Variants in DMD observed in about 807,000 individuals in gnomAD.
The protein encoded by DMD is mutant dystrophin.
A neutral mutation model predicts 330.1 loss-of-function variants in DMD; 63 were observed. The observed-to-expected ratio is 0.19, with a 90% CI of 0.16 to 0.24. The LOEUF (loss-of-function observed/expected upper bound fraction) is 0.24. Among genes scored for constraint, DMD ranks in the 10% least tolerant of loss-of-function variants. DMD has a pLI of 1.00. For missense variants in DMD, 3,344 were observed against 2,684.1 expected, an observed-to-expected ratio of 1.25 and a Z score of -5.43; for synonymous variants, 1,223 against 959.8, an observed-to-expected ratio of 1.27 and a Z score of -5.07.
intron 44 of DMD, among the ~76,000 whole-genome samples, chrX:32,071,017 G>T (rs2096293049): frequency 9.0e-6 from 1 of 111,477 alleles, no homozygotes; most frequent in African/African-American, 3.3e-5. Context: ...TGGCTGCACA[G>T]TATTCCATGG....
At chrX:31,357,368 G>T (rs1467603771) in intron 60 of DMD, among the ~76,000 whole-genome samples, 1 of 106,434 alleles carries the variant, frequency 9.4e-6, no homozygotes, top group East Asian at 2.9e-4. Flanking sequence ...CCATAGAACT[G>T]GTATTGTCCG....
intron 6 of DMD, among the ~76,000 whole-genome samples, chrX:32,810,879 C>T (rs995376013): frequency 9.0e-6 from 1 of 111,661 alleles, no homozygotes; most frequent in Non-Finnish European, 1.9e-5. Context: ...TATTTCTTGT[C>T]TCTTTCCTCA....
intron 1 of DMD, among the ~76,000 whole-genome samples, chrX:33,292,979 G>T (rs988286376): frequency 9.0e-6 from 1 of 110,680 alleles, no homozygotes; most frequent in Non-Finnish European, 1.9e-5. Context: ...CACATGTATA[G>T]GTCTGTCTAT....
At chrX:32,244,177 T>A (rs1329312238) in intron 43 of DMD, among the ~76,000 whole-genome samples, 1 of 96,518 alleles carries the variant, frequency 1.0e-5, no homozygotes, top group Non-Finnish European at 2.1e-5. Context: ...CATTGTTCAA[T>A]TCCCACCCCA....
At chrX:31,505,934 C>T (rs1436419565) in intron 56 of DMD, among the ~76,000 whole-genome samples, 2 of 110,457 alleles carry the variant, frequency 1.8e-5, no homozygotes, top group Non-Finnish European at 3.8e-5. Flanking sequence ...GCCTGGCCCA[C>T]CCAGACTCCC....
intron 3 of DMD, among the ~76,000 whole-genome samples, chrX:32,847,020 A>G (rs1453058382): frequency 1.8e-5 from 2 of 111,090 alleles, no homozygotes; most frequent in Non-Finnish European, 3.8e-5. Context: ...AAAAAAAAAT[A>G]CATGAAAGAA....
At chrX:33,265,155 A>AT (rs914388799) in intron 1 of DMD, among the ~76,000 whole-genome samples, 10 of 109,127 alleles carry the variant, frequency 9.2e-5, no homozygotes, top group African/African-American at 1.7e-4. Context: ...GAGTCCAGGA[A>AT]TTTTTTTTTC....
At chrX:32,734,106 C>G (rs1326724633) in intron 7 of DMD, among the ~76,000 whole-genome samples, 1 of 107,668 alleles carries the variant, frequency 9.3e-6, no homozygotes, top group Non-Finnish European at 1.9e-5. Flanking sequence ...CACAGAAATA[C>G]AAACTACCAT....
intron 7 of DMD, among the ~76,000 whole-genome samples, chrX:32,770,729 C>T (rs759269516): frequency 9.0e-6 from 1 of 111,413 alleles, no homozygotes; most frequent in East Asian, 2.8e-4. Flanking sequence ...GGAGATATAG[C>T]AGTGAATAAA....
In DMD at chrX:32,769,203, G is replaced by A. The variant is rs141138869; in HGVS notation, c.649+40290C>T. On this transcript the variant is annotated intron_variant, in intron 7 of 78. Transcript: ENST00000357033. ...ACTGGACGATTTACAAAAGAAAGAC[G>A]TTTAATTCATTTACGGTTCCACGTG... Among the ~76,000 whole-genome samples the A allele has an allele frequency of 5.6e-3, 629 of 112,433 alleles. 2 individuals are homozygous for A. In the Middle Eastern group the frequency reaches 0.069, roughly 12 times the overall value.
intron 2 of DMD, among the ~76,000 whole-genome samples, chrX:32,975,535 G>T (rs1315346253): frequency 2.7e-5 from 3 of 109,282 alleles, no homozygotes; most frequent in Non-Finnish European, 5.7e-5. Context: ...AAGTAGCAAG[G>T]TGTCAAGCAA....
intron 53 of DMD, among the ~76,000 whole-genome samples, chrX:31,663,534 G>C (rs1217929869): frequency 9.0e-6 from 1 of 111,400 alleles, no homozygotes; most frequent in Non-Finnish European, 1.9e-5. Flanking sequence ...ATTCCACAGG[G>C]GGAAATTTAA....
intron 7 of DMD, among the ~76,000 whole-genome samples, chrX:32,730,463 T>A (rs1027408611): frequency 8.9e-6 from 1 of 112,359 alleles, no homozygotes; most frequent in Non-Finnish European, 1.9e-5. Context: ...ATTTGAATGT[T>A]TATGAAAAAG....
intron 44 of DMD, among the ~76,000 whole-genome samples, chrX:31,987,648 C>T (rs2095518987): frequency 2.7e-5 from 3 of 112,209 alleles, no homozygotes; most frequent in Admixed American, 1.9e-4. Context: ...GATATCATCT[C>T]ATTCCAGTTA....
chrX:32,325,210 C>CT lies in DMD; in HGVS notation c.5923-14935dup, dbSNP rs767586131. Among the ~76,000 whole-genome samples the CT allele has an allele frequency of 3.2e-3, 347 of 109,246 alleles. 11 individuals carry two copies. In the East Asian group the frequency reaches 0.083, roughly 26 times the overall value. The allele number at this position is 109,246 out of a possible 115,157, so 94.9% of individuals were successfully genotyped here. A position where few individuals can be genotyped will look rare whatever the true frequency, so the allele number is the denominator to read the frequency against. On this transcript the variant is annotated intron_variant, in intron 41 of 78. Coordinates refer to ENST00000357033, the MANE Select transcript of DMD (RefSeq NM_004006.3). ...GACTTTTTAAAGACTAAATTGTAGA[C>CT]TTTTTTTTTGCTTCAGTGAGGGAGG...
chrX:32,671,870 C>A (rs192599494), intron 9 of DMD, among the ~76,000 whole-genome samples: 2 of 111,423 alleles, frequency 1.8e-5, no homozygotes, highest in Admixed American at 9.6e-5. Flanking sequence ...TATGCTTATG[C>A]TTTATATAAG....
At chrX:33,183,819 G>C (rs1414439331) in intron 1 of DMD, among the ~76,000 whole-genome samples, 1 of 110,067 alleles carries the variant, frequency 9.1e-6, no homozygotes, top group African/African-American at 3.3e-5. Context: ...AAAAACCTCA[G>C]AACACTCTGC....
At chrX:32,950,785 G>A (rs773289007) in intron 2 of DMD, among the ~76,000 whole-genome samples, 7 of 111,665 alleles carry the variant, frequency 6.3e-5, no homozygotes, top group Non-Finnish European at 1.3e-4. Flanking sequence ...ACACAAAAGT[G>A]TCTTAAAATC....
intron 1 of DMD, among the ~76,000 whole-genome samples, chrX:33,103,527 C>T (rs2148387449): frequency 9.0e-6 from 1 of 110,931 alleles, no homozygotes; most frequent in African/African-American, 3.3e-5. Context: ...CCTTGTGACC[C>T]CCACTCCTGC....
Sources: allele counts gnomAD v4.1 joint callset (sites outside exome capture counted in the v4.1 genomes callset), GRCh38; gene constraint gnomAD v4.1.1; transcripts MANE v1.5; gene names NCBI Gene and HGNC (gene_info 2026-07-23, HGNC 2026-07-21).